The following HTR2C variants were observed in gnomAD, a reference collection of about 807,000 sequenced individuals.
The protein encoded by HTR2C is 5-hydroxytryptamine receptor 2C, also known as 5-hydroxytryptamine (serotonin) receptor 2C, G protein-coupled.
HTR2C carries 5 observed loss-of-function variants against 21.0 expected under a neutral mutation model. That is an observed-to-expected ratio of 0.24 (90% CI 0.12 to 0.50). The LOEUF is 0.50. Among genes scored for constraint, HTR2C ranks in the 20% least tolerant of loss-of-function variants. The pLI is 0.98. For synonymous variants in HTR2C, 150 were observed against 145.3 expected (o/e 1.03, Z -0.23); for missense variants, 271 against 371.2 (o/e 0.73, Z 2.22).
intron 1 of HTR2C, among the ~76,000 whole-genome samples, chrX:114,610,166 T>C (rs1298126051): frequency 3.6e-5 from 4 of 111,660 alleles, no homozygotes; most frequent in African/African-American, 1.3e-4. Flanking sequence ...TCCATGAATA[T>C]CGAAAAGAGT....
intron 2 of HTR2C, among the ~76,000 whole-genome samples, chrX:114,635,816 A>G (rs1327885588): frequency 2.7e-5 from 3 of 111,858 alleles, no homozygotes; most frequent in African/African-American, 9.7e-5. Flanking sequence ...CTTGCAGGTA[A>G]ATGTTCCCAA....
At chrX:114,740,888 A>G (rs1602736971) in intron 4 of HTR2C, among the ~76,000 whole-genome samples, 1 of 111,611 alleles carries the variant, frequency 9.0e-6, no homozygotes, top group South Asian at 3.8e-4. Context: ...CTGAGATTGT[A>G]TAAGTGTGTA....
chrX:114,838,114 T>C (rs2070803485), intron 4 of HTR2C, among the ~76,000 whole-genome samples: 1 of 111,607 alleles, frequency 9.0e-6, no homozygotes, highest in Non-Finnish European at 1.9e-5. Context: ...AACTCTTGTT[T>C]TTTCTGATGT....
chrX:114,724,354 T>G (rs1933357770), intron 2 of HTR2C, among the ~76,000 whole-genome samples: 1 of 102,965 alleles, frequency 9.7e-6, no homozygotes, highest in Non-Finnish European at 2.0e-5. Flanking sequence ...CCTTTTTCGT[T>G]TTCCATTTGC....
At chrX:114,874,780 A>G (rs2071119917) in intron 5 of HTR2C, among the ~76,000 whole-genome samples, 1 of 111,342 alleles carries the variant, frequency 9.0e-6, no homozygotes, top group South Asian at 3.7e-4. Flanking sequence ...AAGTGCTGGG[A>G]TTACAGGTGT....
intron 5 of HTR2C, among the ~76,000 whole-genome samples, chrX:114,864,193 T>C (rs1376613935): frequency 1.8e-5 from 1 of 55,748 alleles, no homozygotes; most frequent in Non-Finnish European, 3.9e-5. Flanking sequence ...TCTGGTTATT[T>C]TGTAGCTATT....
At chrX:114,675,633 C>T (rs782041492) in intron 2 of HTR2C, among the ~76,000 whole-genome samples, 1 of 111,710 alleles carries the variant, frequency 9.0e-6, no homozygotes, top group South Asian at 3.7e-4. Flanking sequence ...ATTTACATTA[C>T]TCTTTTTATT....
At chrX:114,778,397 G>A (rs1442565081) in intron 4 of HTR2C, among the ~76,000 whole-genome samples, 1 of 111,317 alleles carries the variant, frequency 9.0e-6, no homozygotes, top group Non-Finnish European at 1.9e-5. Flanking sequence ...TTATTCTTAG[G>A]AATTGATTTT....
At chrX:114,817,190 C>T (rs1423862823) in intron 4 of HTR2C, among the ~76,000 whole-genome samples, 1 of 110,868 alleles carries the variant, frequency 9.0e-6, no homozygotes, top group East Asian at 2.8e-4. Flanking sequence ...GTGTATAATG[C>T]ACCTCCTATA....
At chrX:114,782,716 TAA>T (rs782184464) in intron 4 of HTR2C, among the ~76,000 whole-genome samples, 1 of 103,003 alleles carries the variant, frequency 9.7e-6, no homozygotes, top group Non-Finnish European at 2.0e-5. Flanking sequence ...AGACCCTGTA[TAA>T]AAAAAAAAGG....
At chrX:114,607,110 G>A (rs1556397250) in intron 1 of HTR2C, among the ~76,000 whole-genome samples, 2 of 110,190 alleles carry the variant, frequency 1.8e-5, no homozygotes, top group Non-Finnish European at 3.8e-5. Flanking sequence ...TTTTGTGGTG[G>A]AATGTCATCA....
intron 1 of HTR2C, chrX:114,589,771 T>C (rs1602620007): frequency 1.7e-5 from 5 of 291,661 alleles, no homozygotes; most frequent in African/African-American, 2.7e-5. Flanking sequence ...GTGGGCAGAC[T>C]AAGCCAATTT....
intron 4 of HTR2C, among the ~76,000 whole-genome samples, chrX:114,837,872 G>T (rs1306421578): frequency 9.0e-6 from 1 of 111,114 alleles, no homozygotes; most frequent in Non-Finnish European, 1.9e-5. Context: ...TACATTTATT[G>T]TATTGCTATT....
chrX:114,751,802 A>G (rs1187852941), intron 4 of HTR2C, among the ~76,000 whole-genome samples: 2 of 111,502 alleles, frequency 1.8e-5, no homozygotes, highest in South Asian at 3.8e-4. Flanking sequence ...TATTTCCACA[A>G]TGACCTCTGA....
intron 4 of HTR2C, among the ~76,000 whole-genome samples, chrX:114,806,984 TAC>T (rs1319665983): frequency 9.9e-6 from 1 of 101,218 alleles, no homozygotes; most frequent in Non-Finnish European, 2.0e-5. Context: ...ACCATATATA[TAC>T]CACATATATA....
chrX:114,792,315 C>A (rs1285858875), intron 4 of HTR2C, among the ~76,000 whole-genome samples: 2 of 110,498 alleles, frequency 1.8e-5, no homozygotes, highest in Admixed American at 9.7e-5. Flanking sequence ...TTGTTCCCTT[C>A]ACTGTGGCCA....
rs190526478 is a variant in HTR2C, at chrX:114,617,583, C to T, written c.-80+3702C>T. On this transcript the variant is annotated intron_variant, in intron 2 of 5. Coordinates refer to ENST00000276198, the MANE Select transcript of HTR2C (RefSeq NM_000868.4). ...GTTTTATTCACAAATATTTTAATTT[C>T]ACATCTTTGATTTAAAAATGAAATA... 8.0e-5 allele frequency among the ~76,000 whole-genome samples: 9 copies of T among 112,367 alleles called. No homozygotes were observed. The Admixed American group carries it at 8.5e-4, about 11-fold the overall frequency.
chrX:114,861,069 T>C (rs999884456), intron 5 of HTR2C, among the ~76,000 whole-genome samples: 2 of 111,153 alleles, frequency 1.8e-5, no homozygotes, highest in African/African-American at 6.5e-5. Context: ...AATCCACTCA[T>C]TTAGCATGAA....
intron 4 of HTR2C, among the ~76,000 whole-genome samples, chrX:114,812,105 C>G (rs1185435700): frequency 9.2e-6 from 1 of 109,047 alleles, no homozygotes; most frequent in African/African-American, 3.3e-5. Context: ...CCCTACCCAC[C>G]CCCCACAACA....
Sources: gnomAD v4.1 joint callset for allele counts (sites outside exome capture counted in the v4.1 genomes callset) on GRCh38, gnomAD v4.1.1 for gene constraint, MANE v1.5 for transcripts, NCBI Gene and HGNC (gene_info 2026-07-23, HGNC 2026-07-21) for gene names.